The following PDE3B variants were observed in gnomAD, a reference collection of about 807,000 sequenced individuals.
PDE3B encodes phosphodiesterase 3B, also known as cGMP-inhibited 3',5'-cyclic phosphodiesterase 3B.
PDE3B carries 66 observed loss-of-function variants against 116.8 expected under a neutral mutation model. That is an observed-to-expected ratio of 0.56 (90% confidence interval 0.46 to 0.69). The LOEUF (loss-of-function observed/expected upper bound fraction) is 0.69. Ranked by LOEUF, PDE3B falls within the 30% of genes least tolerant of loss-of-function variation. PDE3B has a pLI of 0.00. For missense variants in PDE3B, 1,384 were observed against 1,368.1 expected, an observed-to-expected ratio of 1.01 and a Z score of -0.18; for synonymous variants, 595 against 533.6, an observed-to-expected ratio of 1.12 and a Z score of -1.59.
intron 1 of PDE3B, among the ~76,000 whole-genome samples, chr11:14,734,563 C>G (rs1431144611): frequency 6.6e-6 from 1 of 152,144 alleles, no homozygotes; most frequent in African/African-American, 2.4e-5. Flanking sequence ...GCATGTATTG[C>G]ATGATTACAT....
intron 1 of PDE3B, among the ~76,000 whole-genome samples, chr11:14,718,739 A>G (rs1250222620): frequency 1.3e-5 from 2 of 149,852 alleles, no homozygotes; most frequent in Non-Finnish European, 3.0e-5. Context: ...CAAACACACA[A>G]CATACCAGAA....
intron 1 of PDE3B, among the ~76,000 whole-genome samples, chr11:14,672,363 A>T (rs1490367867): frequency 6.6e-6 from 1 of 152,044 alleles, no homozygotes; most frequent in Non-Finnish European, 1.5e-5. Flanking sequence ...AGATGGAATT[A>T]AAAAAATACT....
chr11:14,806,858 C>CAA (rs953411145), intron 5 of PDE3B, among the ~76,000 whole-genome samples: 294 of 44,900 alleles, frequency 6.5e-3, no homozygotes, highest in Middle Eastern at 0.013. Context: ...GACTCCGTCT[C>CAA]AAAAAAAAAA....
At chr11:14,802,024 C>A (rs1858785881) in intron 4 of PDE3B, among the ~76,000 whole-genome samples, 1 of 152,222 alleles carries the variant, frequency 6.6e-6, no homozygotes, top group South Asian at 2.1e-4. Context: ...AGCTGCTGTG[C>A]TGGCAGTGAG....
At chr11:14,788,374 C>G (rs1195619340) in intron 3 of PDE3B, among the ~76,000 whole-genome samples, 1 of 151,954 alleles carries the variant, frequency 6.6e-6, no homozygotes, top group African/African-American at 2.4e-5. Context: ...GACTTTTTCA[C>G]TGCAGGTCTA....
chr11:14,846,845 C>A (rs1044594902), intron 12 of PDE3B, among the ~76,000 whole-genome samples: 1 of 152,042 alleles, frequency 6.6e-6, no homozygotes, highest in African/African-American at 2.4e-5. Context: ...TAAAGCAAGT[C>A]CTGAGTAACC....
rs540418989 is a variant in PDE3B at position 14,830,732 on chromosome 11, C to G, written c.1842C>G (p.Phe614Leu). 1.3e-6 allele frequency: 2 copies of G among 1,487,620 alleles called. No homozygotes were observed. Among genetic ancestry groups the G allele is most frequent in the South Asian group, 2.9e-5 (2 of 69,872 alleles). 92.2% of individuals were successfully genotyped at this position (1,487,620 alleles called of 1,614,324 possible). The part of the protein sequence containing the change: ...EEENIFSKES[F>L]KLMETQQEEE... ...AAAACATTTTCTCGAAAGAATCATT[C>G]AAACTTATGGAAACTCAACAAGAAG... The change falls in exon 8 of 16, where the codon TTC becomes TTG. Residue 614 changes from phenylalanine to leucine, a missense_variant. Phe to Leu is a conservative substitution (Grantham distance 22). Around this residue, in one of 2 missense-constraint regions of PDE3B, gnomAD observed 956 missense variants for 806.8 expected, o/e 1.18. Coordinates refer to ENST00000282096, the MANE Select transcript of PDE3B (RefSeq NM_000922.4).
chr11:14,772,213 T>C, intron 2 of PDE3B: 1 of 239,742 alleles, frequency 4.2e-6, no homozygotes. Flanking sequence ...ACAAAATTTA[T>C]ATAAATTGTT....
intron 1 of PDE3B, among the ~76,000 whole-genome samples, chr11:14,706,989 G>C (rs1444827300): frequency 6.6e-6 from 1 of 151,916 alleles, no homozygotes; most frequent in Non-Finnish European, 1.5e-5. Context: ...GGATATAACA[G>C]TGAAGACAAT....
intron 1 of PDE3B, among the ~76,000 whole-genome samples, chr11:14,729,264 G>T (rs1002612615): frequency 1.6e-4 from 24 of 152,326 alleles, no homozygotes; most frequent in Admixed American, 1.6e-3. Flanking sequence ...CAGATAAAAT[G>T]ACAGTAATGT....
At chr11:14,881,579 C>T in the PDE3B span, among the ~76,000 whole-genome samples, 1 of 152,062 alleles carries the variant, frequency 6.6e-6, no homozygotes, top group African/African-American at 2.4e-5. Context: ...ATGGTGGGAA[C>T]TGATTGGATC....
At chr11:14,851,447 T>G (rs990311343) in intron 12 of PDE3B, among the ~76,000 whole-genome samples, 12 of 151,710 alleles carry the variant, frequency 7.9e-5, no homozygotes, top group Non-Finnish European at 1.8e-4. Flanking sequence ...GCATGTGTGT[T>G]GGGGTCGGGG....
chr11:14,661,811 A>C (rs1853928607), intron 1 of PDE3B, among the ~76,000 whole-genome samples: 1 of 152,174 alleles, frequency 6.6e-6, no homozygotes. Context: ...GGTAAGCTCG[A>C]ACTGGGTGGA....
chr11:14,883,299 C>G, the PDE3B span, among the ~76,000 whole-genome samples: 19 of 151,820 alleles, frequency 1.3e-4, no homozygotes, highest in Non-Finnish European at 7.4e-5. Flanking sequence ...CAAGGCTACA[C>G]TAACCAAAAC....
At chr11:14,649,795 A>T (rs1853516200) in intron 1 of PDE3B, among the ~76,000 whole-genome samples, 1 of 152,200 alleles carries the variant, frequency 6.6e-6, no homozygotes, top group African/African-American at 2.4e-5. Flanking sequence ...GGGGAGGGTC[A>T]AAAGGAGAGT....
intron 1 of PDE3B, among the ~76,000 whole-genome samples, chr11:14,648,813 A>G (rs891155174): frequency 6.6e-6 from 1 of 152,088 alleles, no homozygotes; most frequent in Non-Finnish European, 1.5e-5. Context: ...CTCCACATGC[A>G]TTCTAGCTAT....
intron 5 of PDE3B, among the ~76,000 whole-genome samples, chr11:14,816,981 T>C (rs956136971): frequency 6.6e-6 from 1 of 152,160 alleles, no homozygotes; most frequent in Admixed American, 6.5e-5. Flanking sequence ...TAAAGACACA[T>C]GCACACCTGT....
chr11:14,838,776 C>T (rs1370304972), intron 11 of PDE3B, among the ~76,000 whole-genome samples: 3 of 152,124 alleles, frequency 2.0e-5, no homozygotes, highest in Non-Finnish European at 1.5e-5. Context: ...GGTGTTAGAC[C>T]AGGGAGAAAG....
chr11:14,670,941 A>G (rs1854346412), intron 1 of PDE3B, among the ~76,000 whole-genome samples: 1 of 151,792 alleles, frequency 6.6e-6, no homozygotes, highest in Non-Finnish European at 1.5e-5. Flanking sequence ...ACTCCTGGGT[A>G]GGTAATACTC....
Sources: gnomAD v4.1 joint callset for allele counts (sites outside exome capture counted in the v4.1 genomes callset) on GRCh38, gnomAD v4.1.1 for gene constraint, gnomAD v4.1.1 regional missense constraint, MANE v1.5 for transcripts, NCBI Gene and HGNC (gene_info 2026-07-23, HGNC 2026-07-21) for gene names.